MGST2: variants seen among roughly 807,000 people sequenced by gnomAD.
The protein encoded by MGST2 is microsomal glutathione S-transferase 2, also known as glutathione peroxidase MGST2.
Under a neutral mutation model 16.6 loss-of-function variants are expected in MGST2, and 9 were observed. The ratio of observed to expected loss-of-function variants is 0.54; its 90% confidence interval spans 0.33 to 0.95. The LOEUF (loss-of-function observed/expected upper bound fraction) is 0.95. Among genes scored for constraint, MGST2 ranks in the 40% least tolerant of loss-of-function variants. The pLI is 0.03. For synonymous variants in MGST2, 79 were observed against 68.0 expected (o/e 1.16, Z -0.79); for missense variants, 159 against 175.1 (o/e 0.91, Z 0.52).
rs1728887063 is a variant in MGST2, at chr4:139,735,217, G to A, written c.*49-4995G>A. On this transcript the variant is annotated intron_variant, in intron 5 of 5. Transcript: ENST00000616265. This position sits in a 1 kb window ranked among gnomAD's most constrained non-coding sequence, Gnocchi z 5.8. ...GCACGGCGTGATGGACATCACACAC[G>A]ACAGCCTGAGACAATCCAGGAATTC... Among the ~76,000 whole-genome samples, 1 of 152,240 alleles carries A rather than the reference G, an allele frequency of 6.6e-6. No individual in the cohort carries two copies. The highest frequency in any genetic ancestry group is 1.5e-5 in the Non-Finnish European group (1 of 68,050).
At chr4:139,704,718 C>G (rs182656587), downstream of MGST2, among the ~76,000 whole-genome samples, 4 of 152,238 alleles carry the variant, frequency 2.6e-5, no homozygotes, top group East Asian at 1.9e-4. Context: ...GTCAGGAGAT[C>G]GAGACCATCC....
At chr4:139,678,697 T>C (rs1341033200) in intron 2 of MGST2, 55 bp downstream of exon 2, 16 of 1,341,838 alleles carry the variant, frequency 1.2e-5, no homozygotes, top group Non-Finnish European at 1.7e-5. Context: ...ACAGACACAA[T>C]TCCTGACTAG....
chr4:139,745,107 A>C (rs1001762499), downstream of MGST2, among the ~76,000 whole-genome samples: 1 of 152,094 alleles, frequency 6.6e-6, no homozygotes, highest in Non-Finnish European at 1.5e-5. Context: ...GCCTTGATGG[A>C]AGTGTAGATT....
chr4:139,682,677 C>A (rs770659648), intron 2 of MGST2, among the ~76,000 whole-genome samples: 1 of 152,006 alleles, frequency 6.6e-6, no homozygotes, highest in Non-Finnish European at 1.5e-5. Context: ...CTGAGAAGAG[C>A]CTGTATAGAG....
In MGST2 at chr4:139,688,281, C is replaced by T. The variant is rs1232457215; in HGVS notation, c.159-6916C>T. On this transcript the variant is annotated intron_variant, in intron 2 of 4. Coordinates refer to ENST00000265498, the MANE Select transcript of MGST2 (RefSeq NM_002413.5). ...TAGACAAAAATTTTTAATATTATTT[C>T]TAAACCTGGAGTCTAGATGTATATC... Among the ~76,000 whole-genome samples, 5 of 152,084 alleles carry T rather than the reference C, an allele frequency of 3.3e-5. No homozygotes were observed. The East Asian group carries it at 9.6e-4, about 29-fold the overall frequency.
downstream of MGST2, among the ~76,000 whole-genome samples, chr4:139,742,146 T>C (rs1579382699): frequency 1.8e-5 from 1 of 54,570 alleles, no homozygotes; most frequent in East Asian, 5.4e-4. Context: ...TTTCTTTTCT[T>C]TTCTTTTTTT....
intron 2 of MGST2, among the ~76,000 whole-genome samples, chr4:139,682,940 A>G (rs554093083): frequency 6.6e-6 from 1 of 152,142 alleles, no homozygotes; most frequent in Admixed American, 6.5e-5. Flanking sequence ...CTCGCAGATT[A>G]ATTCCAGGTC....
downstream of MGST2, among the ~76,000 whole-genome samples, chr4:139,706,076 G>A (rs1332967457): frequency 9.2e-5 from 14 of 151,980 alleles, no homozygotes; most frequent in African/African-American, 3.1e-4. Flanking sequence ...TAAAAAGGCC[G>A]GGAAAAATAT....
downstream of MGST2, among the ~76,000 whole-genome samples, chr4:139,708,858 C>T (rs185480757): frequency 2.2e-4 from 34 of 151,738 alleles, no homozygotes; most frequent in East Asian, 3.9e-4. Flanking sequence ...CAAAATTAGC[C>T]GGGCATGGTG....
chr4:139,693,077 A>G (rs1726704438), intron 2 of MGST2, among the ~76,000 whole-genome samples: 1 of 152,238 alleles, frequency 6.6e-6, no homozygotes, highest in Admixed American at 6.5e-5. Context: ...ACAAAACAAT[A>G]AATGATGGGA....
chr4:139,706,706 G>A (rs904422818), downstream of MGST2, among the ~76,000 whole-genome samples: 2 of 152,004 alleles, frequency 1.3e-5, no homozygotes, highest in Admixed American at 1.3e-4. Context: ...ACACACTTTG[G>A]TTAAACACGT....
chr4:139,700,364 C>A (rs958727526), intron 3 of MGST2, among the ~76,000 whole-genome samples: 1 of 152,102 alleles, frequency 6.6e-6, no homozygotes, highest in South Asian at 2.1e-4. Flanking sequence ...ATCTCCTGAT[C>A]TCGTGATCCG....
chr4:139,723,114 A>C (rs1312486423), intron 5 of MGST2, among the ~76,000 whole-genome samples: 2 of 152,250 alleles, frequency 1.3e-5, no homozygotes, highest in Non-Finnish European at 2.9e-5. Context: ...TATCTATATG[A>C]GTGCGAAATA....
intron 2 of MGST2, among the ~76,000 whole-genome samples, chr4:139,693,082 A>G (rs1438886984): frequency 1.3e-5 from 2 of 152,204 alleles, no homozygotes; most frequent in African/African-American, 4.8e-5. Flanking sequence ...ACAATAAATG[A>G]TGGGACAATT....
intron 5 of MGST2, among the ~76,000 whole-genome samples, chr4:139,729,156 C>CAAA (rs4057275): frequency 1.7e-4 from 14 of 81,680 alleles, no homozygotes; most frequent in Non-Finnish European, 2.5e-4. Context: ...GGAACAAAAG[C>CAAA]AAAAAAAAAA....
chr4:139,719,759 T>G, intron 5 of MGST2: 1 of 1,613,786 alleles, frequency 6.2e-7, no homozygotes, highest in Admixed American at 1.7e-5. Flanking sequence ...CAGTCTCGGC[T>G]GCCCAGCTTG....
intron 5 of MGST2, among the ~76,000 whole-genome samples, chr4:139,722,850 C>T (rs1451846480): frequency 6.6e-6 from 1 of 152,202 alleles, no homozygotes; most frequent in African/African-American, 2.4e-5. Flanking sequence ...TGCATAACAT[C>T]ATGCTATCTA....
intron 1 of MGST2, among the ~76,000 whole-genome samples, chr4:139,670,511 AGGG>A (rs1415050089): frequency 6.6e-6 from 1 of 152,206 alleles, no homozygotes; most frequent in African/African-American, 2.4e-5. Flanking sequence ...TCTTAAAGCC[AGGG>A]GGCTTACAGA....
Position 139,735,506 on chromosome 4 carries a change from G to A in MGST2, c.*49-4706G>A, listed in dbSNP as rs1728901293. On this transcript the variant is annotated intron_variant, in intron 5 of 5. Coordinates refer to the MGST2 transcript ENST00000616265. The surrounding 1 kb of genome is among the most constrained non-coding windows in gnomAD (Gnocchi z 5.8). Reference sequence around the variant, plus strand: ...GTGGCGGACACCAGACCCCAGGGCCGACAGCCCGGGAGGGACCGGGTTCCA... The same window carrying A: ...GTGGCGGACACCAGACCCCAGGGCCAACAGCCCGGGAGGGACCGGGTTCCA... 6.6e-6 allele frequency among the ~76,000 whole-genome samples: 1 copy of A among 151,922 alleles called. No individual in the cohort carries two copies. The highest frequency in any genetic ancestry group is 6.5e-5 in the Admixed American group (1 of 15,284).
Sources: gnomAD v4.1 joint callset for allele counts (sites outside exome capture counted in the v4.1 genomes callset) on GRCh38, gnomAD v4.1.1 for gene constraint, Gnocchi (gnomAD v3.1) non-coding constraint, MANE v1.5 for transcripts, NCBI Gene and HGNC (gene_info 2026-07-23, HGNC 2026-07-21) for gene names.